SMAP1: variants seen among roughly 807,000 people sequenced by gnomAD.
SMAP1 encodes stromal membrane-associated protein 1.
In SMAP1, 24 loss-of-function variants were observed where a neutral mutation model predicts 58.5. The observed-to-expected ratio is 0.41, with a 90% CI of 0.30 to 0.58. The LOEUF (loss-of-function observed/expected upper bound fraction) is 0.58. SMAP1 is among the 20% of genes least tolerant of loss of function. The pLI is 0.29. For synonymous variants in SMAP1, 216 were observed against 196.6 expected (o/e 1.10, Z -0.82); for missense variants, 563 against 566.3 (o/e 0.99, Z 0.06).
chr6:70,818,494 T>C (rs886459182), intron 6 of SMAP1, among the ~76,000 whole-genome samples: 2 of 152,112 alleles, frequency 1.3e-5, no homozygotes, highest in African/African-American at 4.8e-5. Context: ...ATAAAGAAGG[T>C]TATAACGGGG....
intron 1 of SMAP1, among the ~76,000 whole-genome samples, chr6:70,712,613 A>G (rs905067189): frequency 3.9e-5 from 6 of 151,986 alleles, no homozygotes; most frequent in African/African-American, 1.2e-4. Flanking sequence ...TTTCATCTCT[A>G]TTTGTAATTT....
At chr6:70,800,321 A>G (rs117482510) in intron 6 of SMAP1, among the ~76,000 whole-genome samples, 1,980 of 152,122 alleles carry the variant, frequency 0.013, 12 homozygotes, top group Non-Finnish European at 0.022. Flanking sequence ...GGAATAAAAA[A>G]CAAAAATCTT....
intron 3 of SMAP1, among the ~76,000 whole-genome samples, chr6:70,761,509 C>G (rs1471296024): frequency 6.6e-6 from 1 of 151,920 alleles, no homozygotes; most frequent in Non-Finnish European, 1.5e-5. Context: ...ATAAATAGTT[C>G]CTGATCTCCA....
chr6:70,859,376 C>CT (rs757942951), intron 10 of SMAP1: 30 of 1,549,504 alleles, frequency 1.9e-5, no homozygotes, highest in Non-Finnish European at 2.6e-5. Context: ...TCAGTGCAAT[C>CT]TACTGGCCAA....
chr6:70,751,123 G>A (rs560471163), intron 2 of SMAP1, among the ~76,000 whole-genome samples: 1 of 152,118 alleles, frequency 6.6e-6, no homozygotes, highest in South Asian at 2.1e-4. Flanking sequence ...ATCTGTACTC[G>A]CAGCTACTTG....
chr6:70,798,617 TAAA>T, intron 5 of SMAP1, 37 bp from the exon 6 acceptor site: 2 of 1,469,798 alleles, frequency 1.4e-6, no homozygotes, highest in Non-Finnish European at 1.8e-6. Context: ...TGCCATTTTT[TAAA>T]AAAGTAAACT....
chr6:70,697,712 T>C (rs934773227), intron 1 of SMAP1, among the ~76,000 whole-genome samples: 3 of 152,188 alleles, frequency 2.0e-5, no homozygotes, highest in Non-Finnish European at 2.9e-5. Flanking sequence ...GATGTTACCA[T>C]GAGGCTTGCA....
At chr6:70,691,688 A>G (rs556330250) in intron 1 of SMAP1, among the ~76,000 whole-genome samples, 2 of 152,304 alleles carry the variant, frequency 1.3e-5, no homozygotes, top group South Asian at 2.1e-4. Context: ...TTTAGCTCCT[A>G]TAAAAGAGTG....
At chr6:70,818,219 C>A (rs1234443816) in intron 6 of SMAP1, among the ~76,000 whole-genome samples, 1 of 150,528 alleles carries the variant, frequency 6.6e-6, no homozygotes, top group Admixed American at 6.6e-5. Context: ...CATAGTGAAA[C>A]CCCGTCTCTA....
intron 4 of SMAP1, among the ~76,000 whole-genome samples, chr6:70,777,314 G>T (rs1458814083): frequency 6.6e-5 from 10 of 152,300 alleles, no homozygotes; most frequent in African/African-American, 2.4e-4. Context: ...GGGAGCTGTA[G>T]ACCGGAGCTG....
chr6:70,751,543 C>A (rs1417231450), intron 2 of SMAP1, among the ~76,000 whole-genome samples: 1 of 151,608 alleles, frequency 6.6e-6, no homozygotes, highest in Admixed American at 6.6e-5. Context: ...AGTTCAGAGT[C>A]CTCCCCTTTC....
At chr6:70,830,896 T>TAA (rs1770331051) in intron 6 of SMAP1, among the ~76,000 whole-genome samples, 1 of 152,214 alleles carries the variant, frequency 6.6e-6, no homozygotes, top group African/African-American at 2.4e-5. Context: ...GACAGGATTT[T>TAA]TAGCATGTAC....
chr6:70,750,304 T>G (rs1179473316), intron 2 of SMAP1, among the ~76,000 whole-genome samples: 2 of 152,228 alleles, frequency 1.3e-5, no homozygotes, highest in Middle Eastern at 3.2e-3. Context: ...TACTCATTGA[T>G]TCTACCTACT....
intron 10 of SMAP1, chr6:70,859,414 T>C (rs1421203832): frequency 6.5e-7 from 1 of 1,544,594 alleles, no homozygotes; most frequent in East Asian, 2.4e-5. Flanking sequence ...TGTCCTTTAG[T>C]AGGTATGAAG....
rs139749174 is a variant in SMAP1 at position 70,833,837 on chromosome 6, T to G, written c.577-3104T>G. Among the ~76,000 whole-genome samples, 1,023 of 152,340 alleles carry G rather than the reference T, an allele frequency of 6.7e-3. 7 individuals are homozygous for G. The highest frequency in any genetic ancestry group is 0.024 in the African/African-American group (980 of 41,588). Reference sequence around the variant, plus strand: ...GGCCCATAAAATAGATTTCAAAAACTGCTAGTGGGCCCCACCTGCAATTTG... The same window carrying G: ...GGCCCATAAAATAGATTTCAAAAACGGCTAGTGGGCCCCACCTGCAATTTG... On this transcript the variant is annotated intron_variant, in intron 6 of 10. Transcript: ENST00000370455.
At chr6:70,729,630 A>G (rs1765347348) in intron 1 of SMAP1, among the ~76,000 whole-genome samples, 1 of 152,236 alleles carries the variant, frequency 6.6e-6, no homozygotes, top group East Asian at 1.9e-4. Flanking sequence ...GAGGACCCTC[A>G]TGCTTTATAT....
intron 6 of SMAP1, among the ~76,000 whole-genome samples, chr6:70,826,411 A>C (rs935882673): frequency 5.3e-5 from 8 of 151,530 alleles, no homozygotes; most frequent in Non-Finnish European, 1.0e-4. Context: ...TTTTTTTAAC[A>C]ACTTACTTCT....
intron 1 of SMAP1, among the ~76,000 whole-genome samples, chr6:70,690,457 C>T (rs1269300048): frequency 6.6e-6 from 1 of 151,980 alleles, no homozygotes; most frequent in East Asian, 1.9e-4. Flanking sequence ...CAAGCATGCA[C>T]CACCACGGTC....
At chr6:70,789,592 C>CTTTTTTTT (rs200041762) in intron 4 of SMAP1, among the ~76,000 whole-genome samples, 6 of 135,690 alleles carry the variant, frequency 4.4e-5, no homozygotes, top group Non-Finnish European at 4.8e-5. Flanking sequence ...TTTCTTTTTT[C>CTTTTTTTT]TTTTTTTTTT....
Sources: allele counts gnomAD v4.1 joint callset (sites outside exome capture counted in the v4.1 genomes callset), GRCh38; gene constraint gnomAD v4.1.1; transcripts MANE v1.5; gene names NCBI Gene and HGNC (gene_info 2026-07-23, HGNC 2026-07-21).